The following PCDHGB2 variants were observed in gnomAD, a reference collection of about 807,000 sequenced individuals.
PCDHGB2 encodes protocadherin gamma subfamily B, 2, also known as protocadherin gamma-B2.
PCDHGB2 carries 55 observed loss-of-function variants against 59.3 expected under a neutral mutation model. The ratio of observed to expected loss-of-function variants is 0.93; its 90% CI spans 0.75 to 1.16. The LOEUF (loss-of-function observed/expected upper bound fraction) is 1.16. Among genes scored for constraint, PCDHGB2 ranks in the 50% most tolerant of loss-of-function variants. PCDHGB2 has a pLI of 0.00. For synonymous variants in PCDHGB2, 516 were observed against 512.0 expected, an observed-to-expected ratio of 1.01 and a Z score of -0.11; for missense variants, 1,228 against 1,198.5, an observed-to-expected ratio of 1.02 and a Z score of -0.36.
intron 3 of PCDHGB2, 89 bp downstream of exon 3, chr5:141,505,570 C>G: frequency 6.3e-7 from 1 of 1,598,162 alleles, no homozygotes; most frequent in Admixed American, 1.7e-5. Context: ...GACTGGATGT[C>G]AAACCTGTGT....
chr5:141,451,521 T>A (rs1164313767), intron 1 of PCDHGB2, among the ~76,000 whole-genome samples: 2 of 152,148 alleles, frequency 1.3e-5, no homozygotes, highest in African/African-American at 4.8e-5. Flanking sequence ...TTAGAGCAAG[T>A]AAAGGAGAGT....
intron 1 of PCDHGB2, chr5:141,372,871 G>A: frequency 7.4e-7 from 1 of 1,350,238 alleles, no homozygotes; most frequent in African/African-American, 1.5e-5. Context: ...TTGATTTAGA[G>A]ATAAAAAGAA....
chr5:141,370,789 C>A (rs796186624), intron 1 of PCDHGB2: 4 of 1,613,906 alleles, frequency 2.5e-6, no homozygotes, highest in Non-Finnish European at 3.4e-6. Context: ...AACCCACCGA[C>A]CTTTAGCCAA....
At chr5:141,454,789 G>T (rs1368681394) in intron 1 of PCDHGB2, among the ~76,000 whole-genome samples, 1 of 129,576 alleles carries the variant, frequency 7.7e-6, no homozygotes, top group African/African-American at 3.1e-5. Flanking sequence ...AATCCTCCAT[G>T]GTTCTAATTT....
intron 1 of PCDHGB2, among the ~76,000 whole-genome samples, chr5:141,430,358 C>T (rs2097275535): frequency 6.7e-6 from 1 of 149,028 alleles, no homozygotes; most frequent in South Asian, 2.1e-4. Flanking sequence ...TTTAAAAGCT[C>T]ATTGGGGAAA....
At chr5:141,395,346 T>C in intron 1 of PCDHGB2, 1 of 1,396,344 alleles carries the variant, frequency 7.2e-7, no homozygotes. Context: ...TTAAGGTGTA[T>C]CACAGAGTTT....
intron 1 of PCDHGB2, chr5:141,408,465 A>C: frequency 6.2e-7 from 1 of 1,613,960 alleles, no homozygotes. Context: ...CTTGTGAAGA[A>C]CCGAATAGAC....
intron 1 of PCDHGB2, chr5:141,388,795 C>G (rs1204065309): frequency 6.2e-7 from 1 of 1,613,716 alleles, no homozygotes; most frequent in Non-Finnish European, 8.5e-7. Flanking sequence ...GTTTTAAATA[C>G]ATTAGATTTT....
At chr5:141,484,047 TC>T (rs1351554084) in intron 1 of PCDHGB2, among the ~76,000 whole-genome samples, 1 of 151,912 alleles carries the variant, frequency 6.6e-6, no homozygotes, top group African/African-American at 2.4e-5. Context: ...CTCCAAGAGG[TC>T]CCCTGGGGCT....
chr5:141,373,819 A>G, intron 1 of PCDHGB2: 1 of 365,074 alleles, frequency 2.7e-6, no homozygotes, highest in Non-Finnish European at 4.9e-6. Context: ...GTTTCACAAA[A>G]CGATGCAGTA....
chr5:141,398,107 A>C, intron 1 of PCDHGB2: 1 of 1,595,524 alleles, frequency 6.3e-7, no homozygotes, highest in Non-Finnish European at 8.5e-7. Flanking sequence ...GCTGGTGAGC[A>C]AGCTGAGGAG....
chr5:141,452,054 C>T (rs578157525), intron 1 of PCDHGB2, among the ~76,000 whole-genome samples: 2 of 152,078 alleles, frequency 1.3e-5, no homozygotes, highest in Admixed American at 1.3e-4. Flanking sequence ...TTTGTAATAA[C>T]TTATTCTACT....
chr5:141,375,443 C>T, intron 1 of PCDHGB2: 2 of 1,614,022 alleles, frequency 1.2e-6, no homozygotes, highest in African/African-American at 1.3e-5. Flanking sequence ...CACCTTCCCC[C>T]ATTCATCCTA....
intron 1 of PCDHGB2, chr5:141,402,829 T>C: frequency 7.5e-7 from 1 of 1,342,036 alleles, no homozygotes; most frequent in Non-Finnish European, 9.8e-7. Flanking sequence ...GCTCCCAGGC[T>C]GCAGCAAAAC....
At chr5:141,400,459 G>C (rs1287515286) in intron 1 of PCDHGB2, 1 of 1,614,072 alleles carries the variant, frequency 6.2e-7, no homozygotes, top group Admixed American at 1.7e-5. Flanking sequence ...CATACTTTGT[G>C]GTGATTCATC....
intron 1 of PCDHGB2, chr5:141,410,815 T>C: frequency 1.8e-6 from 1 of 553,722 alleles, no homozygotes; most frequent in Non-Finnish European, 2.9e-6. Context: ...TTTTGTAAAA[T>C]AATGTCACCA....
chr5:141,413,217 C>A (rs762828191), intron 1 of PCDHGB2: 8 of 1,613,184 alleles, frequency 5.0e-6, no homozygotes, highest in African/African-American at 1.3e-5. Context: ...CAAAGGATTG[C>A]AGCGGGCTGG....
intron 1 of PCDHGB2, among the ~76,000 whole-genome samples, chr5:141,381,770 A>G (rs1309418172): frequency 1.3e-5 from 2 of 151,484 alleles, no homozygotes; most frequent in Non-Finnish European, 2.9e-5. Flanking sequence ...TATATAATCA[A>G]TAATCAGGAA....
chr5:141,409,251 CTT>C (rs771889477), intron 1 of PCDHGB2: 78 of 1,613,922 alleles, frequency 4.8e-5, no homozygotes, highest in Non-Finnish European at 6.2e-5. Context: ...ATAATCATCA[CTT>C]CTCTCTCTGA....
Sources: allele counts gnomAD v4.1 joint callset (sites outside exome capture counted in the v4.1 genomes callset), GRCh38; gene constraint gnomAD v4.1.1; transcripts MANE v1.5; gene names NCBI Gene and HGNC (gene_info 2026-07-23, HGNC 2026-07-21).